Variants in CDH13 observed in about 807,000 individuals in gnomAD.
CDH13 encodes the protein cadherin-13.
In CDH13, 24 loss-of-function variants were observed where a neutral mutation model predicts 63.8. That is an observed-to-expected ratio of 0.38 (90% CI 0.27 to 0.53). The LOEUF is 0.53. Among genes scored for constraint, CDH13 ranks in the 20% least tolerant of loss-of-function variants. The probability of loss-of-function intolerance (pLI) is 0.85; values close to 1 mark genes in which losing one functional copy is unlikely to be tolerated. For missense variants in CDH13, 1,049 were observed against 903.1 expected, an observed-to-expected ratio of 1.16 and a Z score of -2.07; for synonymous variants, 503 against 355.3, an observed-to-expected ratio of 1.42 and a Z score of -4.67.
chr16:82,831,935 C>G (rs1319817049), intron 1 of CDH13, among the ~76,000 whole-genome samples: 1 of 152,170 alleles, frequency 6.6e-6, no homozygotes, highest in Non-Finnish European at 1.5e-5. Flanking sequence ...CAAGGATGAC[C>G]TTTTGAAAGA....
intron 5 of CDH13, among the ~76,000 whole-genome samples, chr16:83,232,553 C>CA (rs869051890): frequency 6.8e-5 from 7 of 102,446 alleles, no homozygotes; most frequent in African/African-American, 2.1e-4. Flanking sequence ...AACAAACAAA[C>CA]AAAAAAAAAA....
chr16:83,440,462 T>A (rs936691871), intron 6 of CDH13, among the ~76,000 whole-genome samples: 16 of 152,052 alleles, frequency 1.1e-4, no homozygotes, highest in African/African-American at 3.9e-4. Flanking sequence ...GAGGGGTCTC[T>A]GCAAACGTGG....
intron 11 of CDH13, among the ~76,000 whole-genome samples, chr16:83,769,785 C>T (rs935142265): frequency 6.6e-6 from 1 of 151,832 alleles, no homozygotes; most frequent in Non-Finnish European, 1.5e-5. Flanking sequence ...CACTGGGGCA[C>T]GTAGATGACC....
chr16:82,692,026 C>T (rs1915694260), intron 1 of CDH13, among the ~76,000 whole-genome samples: 1 of 152,228 alleles, frequency 6.6e-6, no homozygotes, highest in Admixed American at 6.5e-5. Flanking sequence ...TTTTCATAAT[C>T]TGCAAATAGT....
At chr16:82,948,894 C>T (rs1905013955) in intron 2 of CDH13, among the ~76,000 whole-genome samples, 1 of 152,176 alleles carries the variant, frequency 6.6e-6, no homozygotes, top group African/African-American at 2.4e-5. Context: ...GAAGGAAAGA[C>T]AAAGTTTACT....
intron 1 of CDH13, among the ~76,000 whole-genome samples, chr16:82,852,065 T>G (rs1043825820): frequency 6.6e-6 from 1 of 152,178 alleles, no homozygotes; most frequent in Non-Finnish European, 1.5e-5. Flanking sequence ...AATACCTTCT[T>G]GGAGCTGGTT....
At chr16:82,847,895 C>CTTTTTTT (rs33934390) in intron 1 of CDH13, among the ~76,000 whole-genome samples, 1 of 140,114 alleles carries the variant, frequency 7.1e-6, no homozygotes. Context: ...TTGTGCTTCA[C>CTTTTTTT]TTTTTTTTTT....
intron 5 of CDH13, among the ~76,000 whole-genome samples, chr16:83,267,371 T>C (rs1035383390): frequency 4.6e-5 from 7 of 152,162 alleles, no homozygotes; most frequent in African/African-American, 9.7e-5. Context: ...GTATGCAGAA[T>C]AGCTGTACAG....
At chr16:83,275,749 C>T (rs1342316312) in intron 5 of CDH13, among the ~76,000 whole-genome samples, 9 of 152,038 alleles carry the variant, frequency 5.9e-5, no homozygotes, top group South Asian at 4.1e-4. Context: ...TAGTGTCTGT[C>T]GCCCACTTTA....
intron 2 of CDH13, among the ~76,000 whole-genome samples, chr16:83,030,640 T>TAAAAA (rs35207887): frequency 0.096 from 8,874 of 92,588 alleles, 639 homozygotes; most frequent in South Asian, 0.11. Flanking sequence ...AAGACTCTGT[T>TAAAAA]AAAAAAAAAA....
chr16:83,123,268 A>G (rs1297548590), intron 3 of CDH13, among the ~76,000 whole-genome samples: 3 of 151,738 alleles, frequency 2.0e-5, no homozygotes, highest in Non-Finnish European at 4.4e-5. Context: ...ATATATATAT[A>G]TATCCCACAT....
intron 5 of CDH13, among the ~76,000 whole-genome samples, chr16:83,322,258 C>A (rs1450681708): frequency 6.6e-6 from 1 of 152,050 alleles, no homozygotes; most frequent in East Asian, 1.9e-4. Context: ...CACTTGCTAC[C>A]CTCCAAGGAA....
chr16:83,472,680 A>G (rs16960591), intron 6 of CDH13, among the ~76,000 whole-genome samples: 3,815 of 152,250 alleles, frequency 0.025, 163 homozygotes, highest in African/African-American at 0.086. Context: ...GAAAAGCAGT[A>G]TTATTGTAGG....
intron 2 of CDH13, among the ~76,000 whole-genome samples, chr16:82,904,916 C>A (rs539395305): frequency 2.6e-5 from 4 of 152,128 alleles, no homozygotes; most frequent in South Asian, 2.1e-4. Context: ...CTAGGTTTCT[C>A]CCATGGAGTG....
intron 10 of CDH13, among the ~76,000 whole-genome samples, chr16:83,747,396 C>A (rs900192766): frequency 6.6e-6 from 1 of 152,134 alleles, no homozygotes; most frequent in African/African-American, 2.4e-5. Flanking sequence ...TTCACTCTCT[C>A]GTCTGCCACC....
At chr16:83,077,834 A>G (rs1234169101) in intron 3 of CDH13, among the ~76,000 whole-genome samples, 1 of 152,188 alleles carries the variant, frequency 6.6e-6, no homozygotes, top group Non-Finnish European at 1.5e-5. Context: ...GCGTGAGAGC[A>G]GTGACGGCTT....
chr16:83,222,076 C>G (rs952038596), intron 5 of CDH13, among the ~76,000 whole-genome samples: 32 of 152,300 alleles, frequency 2.1e-4, no homozygotes, highest in African/African-American at 7.7e-4. Flanking sequence ...CTCATCTCAT[C>G]TTCATAAAGA....
At chr16:83,409,663 C>G (rs1248117761) in intron 6 of CDH13, among the ~76,000 whole-genome samples, 1 of 152,208 alleles carries the variant, frequency 6.6e-6, no homozygotes, top group Non-Finnish European at 1.5e-5. Context: ...CTATTTCCCT[C>G]TTCAAAATGG....
At chr16:83,182,883 C>T (rs1323786120) in intron 4 of CDH13, among the ~76,000 whole-genome samples, 2 of 152,050 alleles carry the variant, frequency 1.3e-5, no homozygotes, top group Non-Finnish European at 2.9e-5. Context: ...AAGGCATTTG[C>T]ATTTTTCCTT....
Sources: gnomAD v4.1 joint callset for allele counts (sites outside exome capture counted in the v4.1 genomes callset) on GRCh38, gnomAD v4.1.1 for gene constraint, MANE v1.5 for transcripts, NCBI Gene and HGNC (gene_info 2026-07-23, HGNC 2026-07-21) for gene names.